Variants in KLHL32 observed in about 807,000 individuals in gnomAD.
KLHL32 encodes the protein kelch-like protein 32.
A neutral mutation model predicts 64.8 loss-of-function variants in KLHL32; 35 were observed. That is an observed-to-expected ratio of 0.54 (90% CI 0.41 to 0.72). KLHL32 has a LOEUF of 0.72. Ranked by LOEUF, KLHL32 falls within the 30% of genes least tolerant of loss-of-function variation. The probability of loss-of-function intolerance (pLI) is 0.00; values close to 1 mark genes in which losing one functional copy is unlikely to be tolerated. For synonymous variants in KLHL32, 259 were observed against 281.0 expected (o/e 0.92, Z 0.78); for missense variants, 589 against 768.5 (o/e 0.77, Z 2.76).
rs141558875 is a variant in KLHL32, at chr6:97,000,979, G to A, written c.204+24802G>A. ...CCAACTATATGACATTCTGGAAAAG[G>A]CAAAACTATGGAGACAATAAAAGGT... On this transcript the variant is annotated intron_variant, in intron 3 of 10. Coordinates refer to ENST00000369261, the MANE Select transcript of KLHL32 (RefSeq NM_052904.4). Among the ~76,000 whole-genome samples, 129 of 152,234 alleles carry A rather than the reference G, an allele frequency of 8.5e-4. 1 individual carries two copies. The highest frequency in any genetic ancestry group is 3.0e-3 in the African/African-American group (125 of 41,556).
chr6:97,039,647 C>G (rs1784832666), intron 3 of KLHL32, among the ~76,000 whole-genome samples: 1 of 141,876 alleles, frequency 7.0e-6, no homozygotes, highest in African/African-American at 2.8e-5. Context: ...TGGTGAAACC[C>G]CATCTCTACT....
chr6:97,037,577 A>G (rs547793465), intron 3 of KLHL32, among the ~76,000 whole-genome samples: 1 of 152,308 alleles, frequency 6.6e-6, no homozygotes, highest in South Asian at 2.1e-4. Context: ...GGATAGGAAT[A>G]ATTAATGCTG....
chr6:97,130,508 A>G (rs1445972466), intron 8 of KLHL32, among the ~76,000 whole-genome samples: 2 of 152,206 alleles, frequency 1.3e-5, no homozygotes, highest in Non-Finnish European at 2.9e-5. Context: ...AAAATGCACT[A>G]TAAAATGCAA....
At chr6:96,932,062 T>C (rs1196708200) in intron 1 of KLHL32, among the ~76,000 whole-genome samples, 1 of 152,160 alleles carries the variant, frequency 6.6e-6, no homozygotes, top group Non-Finnish European at 1.5e-5. Flanking sequence ...CTTGACATTT[T>C]CTGAAAGGAG....
chr6:96,978,682 A>G (rs908237682), intron 3 of KLHL32, among the ~76,000 whole-genome samples: 20 of 152,204 alleles, frequency 1.3e-4, no homozygotes, highest in Admixed American at 5.9e-4. Context: ...GCTGGGTTAA[A>G]TGGTAATACT....
chr6:97,050,668 C>T (rs1786742159), intron 4 of KLHL32, among the ~76,000 whole-genome samples: 1 of 152,138 alleles, frequency 6.6e-6, no homozygotes, highest in African/African-American at 2.4e-5. Context: ...CAGGCACAGA[C>T]ATTTTCCTTT....
At chr6:97,071,627 C>T (rs1161763238) in intron 5 of KLHL32, among the ~76,000 whole-genome samples, 9 of 152,130 alleles carry the variant, frequency 5.9e-5, no homozygotes, top group Non-Finnish European at 5.9e-5. Context: ...ACACCTGTTC[C>T]TCCTCATCCT....
chr6:96,986,486 C>T (rs1430820571), intron 3 of KLHL32, among the ~76,000 whole-genome samples: 2 of 152,230 alleles, frequency 1.3e-5, no homozygotes, highest in African/African-American at 4.8e-5. Flanking sequence ...TCTACAGAGG[C>T]AGGCAGGCCT....
intron 1 of KLHL32, 100 bp from the exon 2 acceptor site, chr6:96,966,896 C>T: frequency 1.7e-6 from 1 of 596,854 alleles, no homozygotes; most frequent in South Asian, 2.1e-5. Flanking sequence ...GCTCTCCAAG[C>T]TGTCTCCCTG....
rs747648130 is a variant in KLHL32, at chr6:97,130,758, A to G, written c.1415A>G (p.Asn472Ser). The G allele has an allele frequency of 3.8e-6, 6 of 1,598,660 alleles. No individual in the cohort carries two copies. Among genetic ancestry groups the G allele is most frequent in the South Asian group, 2.3e-5 (2 of 88,164 alleles). The part of the protein sequence containing the change: ...NRLMVYEPNQ[N>S]KWISRSPMLQ... Reference sequence around the variant, plus strand: ...ATACACTTAAATTTCTTTTTTCAGAATAAGTGGATAAGCCGTAGCCCCATG... The same window carrying G: ...ATACACTTAAATTTCTTTTTTCAGAGTAAGTGGATAAGCCGTAGCCCCATG... Residue 472 changes from asparagine (N) to serine (S), a missense_variant and splice_region_variant, in exon 9 of 11, where the codon AAT becomes AGT. Physicochemically the swap from Asn to Ser is conservative, Grantham distance 46. Transcript: ENST00000369261.
the KLHL32 span, among the ~76,000 whole-genome samples, chr6:96,908,930 T>A: frequency 6.6e-6 from 1 of 152,110 alleles, no homozygotes; most frequent in Non-Finnish European, 1.5e-5. Context: ...TATGCTTTGC[T>A]CTTTTGCTGA....
At chr6:97,094,712 A>G (rs1416829270) in intron 6 of KLHL32, among the ~76,000 whole-genome samples, 1 of 152,224 alleles carries the variant, frequency 6.6e-6, no homozygotes, top group African/African-American at 2.4e-5. Flanking sequence ...TTATGTATCA[A>G]AGATTTTGTG....
chr6:97,073,462 T>TTA (rs1450450859), intron 5 of KLHL32, among the ~76,000 whole-genome samples: 1 of 152,192 alleles, frequency 6.6e-6, no homozygotes, highest in African/African-American at 2.4e-5. Context: ...TATTGACACT[T>TTA]TGTAGACAGA....
chr6:97,046,132 G>A (rs1452250262), intron 4 of KLHL32, among the ~76,000 whole-genome samples: 1 of 152,182 alleles, frequency 6.6e-6, no homozygotes, highest in Non-Finnish European at 1.5e-5. Context: ...TGTGTGCTGA[G>A]AGGACAGGAA....
intron 6 of KLHL32, among the ~76,000 whole-genome samples, chr6:97,102,956 A>G (rs1469867880): frequency 1.3e-5 from 2 of 151,978 alleles, no homozygotes; most frequent in Admixed American, 1.3e-4. Context: ...CTAGTACTCA[A>G]TAGTTATTTT....
At position 97,114,502 on chromosome 6, in the gene KLHL32, G is replaced by A. The variant is rs945657824; in HGVS notation, c.1347G>A (p.Trp449Ter). 3 of 1,613,410 alleles carry A rather than the reference G, an allele frequency of 1.9e-6. No homozygotes were observed. The highest frequency in any genetic ancestry group is 2.7e-5 in the African/African-American group (2 of 74,902). The change falls in exon 7 of 11, where the codon TGG becomes TGA. Residue 449 changes from tryptophan to a stop codon, truncating the protein, a stop_gained. Coordinates refer to ENST00000369261, the MANE Select transcript of KLHL32 (RefSeq NM_052904.4). LOFTEE classifies it high-confidence loss of function. ...GATATGTGGCTGATGGTCTTCTTTG[G>A]ATATCAGGTAGAACATACCTCATGT... is the stretch of plus-strand genomic sequence containing the variant. ...HAGYVADGLL[W>*]ISGGVTNTAQ...
intron 6 of KLHL32, among the ~76,000 whole-genome samples, chr6:97,103,244 C>T (rs1370556797): frequency 2.8e-5 from 4 of 143,422 alleles, no homozygotes; most frequent in East Asian, 4.0e-4. Flanking sequence ...GACGGCGTCT[C>T]GCTCTGTCAC....
chr6:97,010,156 GC>G lies in KLHL32; in HGVS notation c.205-31335del, dbSNP rs1186183513. On this transcript the variant is annotated intron_variant, in intron 3 of 10. Coordinates refer to ENST00000369261, the MANE Select transcript of KLHL32 (RefSeq NM_052904.4). Reference sequence around the variant, plus strand: ...AAAAAAAAAAAAAAAAAAAAAGTGAGCATACAGAAAAATATTTATAGGACAC... The same window carrying G: ...AAAAAAAAAAAAAAAAAAAAAGTGAGATACAGAAAAATATTTATAGGACAC... The G allele has an allele frequency of 1.6e-3, 227 of 144,484 alleles. 1 individual carries two copies. Among genetic ancestry groups the G allele is most frequent in the African/African-American group, 5.5e-3 (215 of 38,788 alleles). The allele number at this position is 144,484 out of a possible 1,614,324, so 9.0% of individuals were successfully genotyped here.
chr6:97,031,700 G>A (rs1487220402), intron 3 of KLHL32, among the ~76,000 whole-genome samples: 1 of 152,118 alleles, frequency 6.6e-6, no homozygotes, highest in East Asian at 1.9e-4. Flanking sequence ...TTATAGAAGT[G>A]GTGGTGATGA....
Sources: allele counts gnomAD v4.1 joint callset (sites outside exome capture counted in the v4.1 genomes callset), GRCh38; gene constraint gnomAD v4.1.1; transcripts MANE v1.5; gene names NCBI Gene and HGNC (gene_info 2026-07-23, HGNC 2026-07-21).